The following VHL variants were observed in gnomAD, a reference collection of about 807,000 sequenced individuals.
VHL encodes the protein von Hippel-Lindau disease tumor suppressor.
A neutral mutation model predicts 19.2 loss-of-function variants in VHL; 10 were observed. The observed-to-expected ratio is 0.52, with a 90% CI of 0.32 to 0.89. VHL has a LOEUF of 0.89. Among genes scored for constraint, VHL ranks in the 40% least tolerant of loss-of-function variants. The pLI, the probability that VHL is intolerant of heterozygous loss-of-function variation, is 0.03. For synonymous variants in VHL, 167 were observed against 129.5 expected, an observed-to-expected ratio of 1.29 and a Z score of -1.97; for missense variants, 328 against 292.7, an observed-to-expected ratio of 1.12 and a Z score of -0.88.
intron 1 of VHL, among the ~76,000 whole-genome samples, chr3:10,143,709 AGTGCTGGGATTACAGGC>A (rs1334541889): frequency 6.6e-6 from 1 of 152,058 alleles, no homozygotes; most frequent in Non-Finnish European, 1.5e-5. Flanking sequence ...GGCCTCCCAA[AGTGCTGGGATTACAGGC>A]GTGCTGGGAT....
chr3:10,144,957 G>A (rs1481085642), intron 1 of VHL, among the ~76,000 whole-genome samples: 4 of 152,142 alleles, frequency 2.6e-5, no homozygotes, highest in African/African-American at 9.7e-5. Context: ...GTAAATGTTT[G>A]AGGCAGGTAG....
At chr3:10,149,718 A>G (rs1204344078) in intron 2 of VHL, 69 bp from the exon 3 acceptor site, 3 of 1,391,096 alleles carry the variant, frequency 2.2e-6, no homozygotes, top group Non-Finnish European at 3.0e-6. Context: ...GTTGTTGGCA[A>G]AGCCTCTTGT....
Position 10,141,951 on chromosome 3 carries a change from C to T in VHL, c.104C>T (p.Ala35Val), listed in dbSNP as rs587780536. ...PEEDGGEESG[A>V]EESGPEESGP... ...GAAGACGGCGGGGAGGAGTCGGGCG[C>T]CGAGGAGTCCGGCCCGGAAGAGTCC... The change falls in exon 1 of 3, where the codon GCC becomes GTC. Residue 35 changes from alanine (A) to valine (V), a missense_variant. Physicochemically the swap from Ala to Val is moderately conservative, Grantham distance 64 (BLOSUM62 0). Coordinates refer to ENST00000256474, the MANE Select transcript of VHL (RefSeq NM_000551.4). The T allele has an allele frequency of 1.0e-5, 16 of 1,544,318 alleles. No individual in the cohort carries two copies. The South Asian group carries it at 1.8e-4, about 17-fold the overall frequency.
At chr3:10,147,381 T>G (rs557407349) in intron 2 of VHL, among the ~76,000 whole-genome samples, 3,884 of 149,926 alleles carry the variant, frequency 0.026, 183 homozygotes, top group African/African-American at 0.091. Context: ...TTTATTTTTA[T>G]TTTTAGAGAG....
chr3:10,151,232 C>T lies in VHL; in HGVS notation c.*1267C>T. 1 of 204,298 alleles carries T rather than the reference C, an allele frequency of 4.9e-6. No homozygotes were observed. The highest frequency in any genetic ancestry group is 1.0e-5 in the Non-Finnish European group (1 of 99,694). 12.7% of individuals were successfully genotyped at this position (204,298 alleles called of 1,614,324 possible). A position where few individuals can be genotyped will look rare whatever the true frequency, so the allele number is the denominator to read the frequency against. ...ACCAGGTGGCACTTCCACCTCCAGC[C>T]TCTGGTCCTACCAATGGATTCATGG... is the stretch of plus-strand genomic sequence containing the variant. On this transcript the variant is annotated 3_prime_UTR_variant, in exon 3 of 3. Coordinates refer to ENST00000256474, the MANE Select transcript of VHL (RefSeq NM_000551.4).
chr3:10,151,577 G>A lies in VHL; in HGVS notation c.*1612G>A. 1 of 225,262 alleles carries A rather than the reference G, an allele frequency of 4.4e-6. No homozygotes were observed. Among genetic ancestry groups the A allele is most frequent in the Non-Finnish European group, 8.8e-6 (1 of 113,128 alleles). The allele number at this position is 225,262 out of a possible 1,614,324, so 14.0% of individuals were successfully genotyped here. On this transcript the variant is annotated 3_prime_UTR_variant, in exon 3 of 3. Coordinates refer to ENST00000256474, the MANE Select transcript of VHL (RefSeq NM_000551.4). ...GCAGATTTTGGTTGGTTTTTACATA[G>A]TTGAGATTGTACTGTTCATACAGTT... is the stretch of plus-strand genomic sequence containing the variant.
At position 10,153,324 on chromosome 3, in the gene VHL, G is replaced by A. The variant is rs1696464735; in HGVS notation, c.*3359G>A. Among the ~76,000 whole-genome samples, 1 of 151,780 alleles carries A rather than the reference G, an allele frequency of 6.6e-6. No individual in the cohort carries two copies. The highest frequency in any genetic ancestry group is 1.5e-5 in the Non-Finnish European group (1 of 67,976). ...AAATTATCCAGGTGTGGCGGTGGGCGCCTGTGAGGCAGGCGAATCTCTTGA... is the reference window on the plus strand; with the variant it reads ...AAATTATCCAGGTGTGGCGGTGGGCACCTGTGAGGCAGGCGAATCTCTTGA... On this transcript the variant is annotated 3_prime_UTR_variant, in exon 3 of 3. Transcript: ENST00000256474.
chr3:10,145,679 C>G (rs1430774037), intron 1 of VHL, among the ~76,000 whole-genome samples: 2 of 143,450 alleles, frequency 1.4e-5, no homozygotes, highest in Non-Finnish European at 3.0e-5. Context: ...GCACTCCAGC[C>G]TGGGCGACAG....
At position 10,153,054 on chromosome 3, in the gene VHL, A is replaced by G. The variant is rs370863212; in HGVS notation, c.*3089A>G. ...CACTTTGGGAGGCCTAGGCGGGTGG[A>G]TCACGAGGTCAGGAAATCGAGACCA... On this transcript the variant is annotated 3_prime_UTR_variant, in exon 3 of 3. Coordinates refer to ENST00000256474, the MANE Select transcript of VHL (RefSeq NM_000551.4). Among the ~76,000 whole-genome samples the G allele has an allele frequency of 7.4e-4, 112 of 152,104 alleles. No homozygotes were observed. The highest frequency in any genetic ancestry group is 2.4e-3 in the African/African-American group (99 of 41,536).
chr3:10,150,498 G>T lies in VHL; in HGVS notation c.*533G>T. 2.2e-6 allele frequency: 1 copy of T among 447,010 alleles called. No individual in the cohort carries two copies. 27.7% of individuals were successfully genotyped at this position (447,010 alleles called of 1,614,324 possible). ...CAGGGTTTGTCAGAGGAACAAACCA[G>T]GGGACACTTTGTTAGAAAGTGCTTA... On this transcript the variant is annotated 3_prime_UTR_variant, in exon 3 of 3. Coordinates refer to ENST00000256474, the MANE Select transcript of VHL (RefSeq NM_000551.4).
chr3:10,141,970 A>G lies in VHL; in HGVS notation c.123A>G (p.Glu41=), dbSNP rs2125124753. ...CGGGCGCCGAGGAGTCCGGCCCGGAAGAGTCCGGCCCGGAGGAACTGGGCG... is the reference window on the plus strand; with the variant it reads ...CGGGCGCCGAGGAGTCCGGCCCGGAGGAGTCCGGCCCGGAGGAACTGGGCG... ...EESGAEESGP[E]ESGPEELGAE... The change falls in exon 1 of 3, where the codon GAA becomes GAG. Residue 41 remains glutamate, a synonymous_variant. Coordinates refer to ENST00000256474, the MANE Select transcript of VHL (RefSeq NM_000551.4). 6.4e-7 allele frequency: 1 copy of G among 1,557,450 alleles called. No individual in the cohort carries two copies. Among genetic ancestry groups the G allele is most frequent in the Admixed American group, 1.9e-5 (1 of 51,662 alleles).
intron 1 of VHL, among the ~76,000 whole-genome samples, chr3:10,144,496 CTTT>C (rs34512214): frequency 1.5e-4 from 18 of 116,614 alleles, no homozygotes; most frequent in African/African-American, 1.7e-4. Flanking sequence ...TCTATCTTGT[CTTT>C]TTTTTTTTTT....
At chr3:10,143,281 C>T (rs1696173023) in intron 1 of VHL, among the ~76,000 whole-genome samples, 1 of 152,018 alleles carries the variant, frequency 6.6e-6, no homozygotes, top group Non-Finnish European at 1.5e-5. Flanking sequence ...CAGGCGTGCG[C>T]CACCACTCCT....
chr3:10,150,619 G>A lies in VHL; in HGVS notation c.*654G>A, dbSNP rs998361564. On this transcript the variant is annotated 3_prime_UTR_variant, in exon 3 of 3. Coordinates refer to ENST00000256474, the MANE Select transcript of VHL (RefSeq NM_000551.4). ...TTAAAGGGAATCATTTTTGTAGGAA[G>A]CATTTTTTATAATTTTCTAAGTCGT... is the stretch of plus-strand genomic sequence containing the variant. The A allele has an allele frequency of 4.3e-6, 1 of 234,718 alleles. No homozygotes were observed. Among genetic ancestry groups the A allele is most frequent in the Admixed American group, 5.5e-5 (1 of 18,090 alleles). The allele number at this position is 234,718 out of a possible 1,614,324, so 14.5% of individuals were successfully genotyped here.
chr3:10,152,858 G>A lies in VHL; in HGVS notation c.*2893G>A, dbSNP rs777358147. Among the ~76,000 whole-genome samples the A allele has an allele frequency of 3.9e-5, 6 of 152,026 alleles. No homozygotes were observed. The highest frequency in any genetic ancestry group is 3.2e-3 in the Middle Eastern group (1 of 316). On this transcript the variant is annotated 3_prime_UTR_variant, in exon 3 of 3. Coordinates refer to ENST00000256474, the MANE Select transcript of VHL (RefSeq NM_000551.4). ...GTTCATGCTCCTCTTGTTAAAACCT[G>A]CAGGCCGAGCACAGTGGCTCATGCC...
intron 2 of VHL, among the ~76,000 whole-genome samples, chr3:10,148,134 A>T (rs1012898760): frequency 6.6e-6 from 1 of 151,744 alleles, no homozygotes; most frequent in Non-Finnish European, 1.5e-5. Flanking sequence ...CCCCAAATAC[A>T]TGGGTTTCAT....
rs371771267 is a variant in VHL, at chr3:10,149,561, A to G, written c.464-226A>G. Among the ~76,000 whole-genome samples the G allele has an allele frequency of 7.2e-5, 11 of 152,322 alleles. 1 individual carries two copies. The East Asian group carries it at 9.6e-4, about 13-fold the overall frequency. On this transcript the variant is annotated intron_variant, in intron 2 of 2. Coordinates refer to ENST00000256474, the MANE Select transcript of VHL (RefSeq NM_000551.4). ...ACATTCAGTTAGTTAAAGCAATCAC[A>G]AGCCCAGCCCATTTCAAGGTGAAAT...
chr3:10,147,920 C>G (rs111714135), intron 2 of VHL, among the ~76,000 whole-genome samples: 1 of 151,750 alleles, frequency 6.6e-6, no homozygotes, highest in Admixed American at 6.6e-5. Flanking sequence ...AGTGAGACCC[C>G]AGCTCCACAA....
rs2125131083 is a variant in VHL, at chr3:10,150,097, C to CTT, written c.*133_*134dup. 2 of 1,530,788 alleles carry CTT rather than the reference C, an allele frequency of 1.3e-6. No individual in the cohort carries two copies. Among genetic ancestry groups the CTT allele is most frequent in the South Asian group, 2.4e-5 (2 of 82,816 alleles). 94.8% of individuals were successfully genotyped at this position (1,530,788 alleles called of 1,614,324 possible). ...TCTCAGAGTAAAATAGGCACCATTG[C>CTT]TTAAAAGAAAGTTAACTGACTTCAC... On this transcript the variant is annotated 3_prime_UTR_variant, in exon 3 of 3. Transcript: ENST00000256474.
Sources: allele counts gnomAD v4.1 joint callset (sites outside exome capture counted in the v4.1 genomes callset), GRCh38; gene constraint gnomAD v4.1.1; transcripts MANE v1.5; gene names NCBI Gene and HGNC (gene_info 2026-07-23, HGNC 2026-07-21).